SLC25A36: variants seen among roughly 807,000 people sequenced by gnomAD.
SLC25A36 encodes solute carrier family 25 member 36.
A neutral mutation model predicts 35.3 loss-of-function variants in SLC25A36; 24 were observed. The ratio of observed to expected loss-of-function variants is 0.68; its 90% confidence interval spans 0.49 to 0.96. The LOEUF is 0.96. SLC25A36 is among the 40% of genes least tolerant of loss of function. The pLI, the probability that SLC25A36 is intolerant of heterozygous loss-of-function variation, is 0.00. For missense variants in SLC25A36, 294 were observed against 381.1 expected, an observed-to-expected ratio of 0.77 and a Z score of 1.90; for synonymous variants, 141 against 132.2, an observed-to-expected ratio of 1.07 and a Z score of -0.46.
intron 2 of SLC25A36, among the ~76,000 whole-genome samples, chr3:140,957,633 C>G (rs2107794569): frequency 6.6e-6 from 1 of 152,088 alleles, no homozygotes. Context: ...CCCAGCTACT[C>G]AGGAGGCTGA....
At chr3:140,972,797 C>G (rs1010949628) in intron 5 of SLC25A36, 1 of 152,084 alleles carries the variant, frequency 6.6e-6, no homozygotes, top group Non-Finnish European at 1.5e-5. Context: ...ACAATCCATT[C>G]ATAAAACTGG....
At chr3:140,972,609 C>G (rs1312707664) in intron 5 of SLC25A36, 1 of 151,006 alleles carries the variant, frequency 6.6e-6, no homozygotes, top group Non-Finnish European at 1.5e-5. Flanking sequence ...GAGACTCCAT[C>G]TGTTAAAAAA....
intron 5 of SLC25A36, among the ~76,000 whole-genome samples, chr3:140,971,640 G>C (rs1934905016): frequency 6.6e-6 from 1 of 152,200 alleles, no homozygotes; most frequent in Non-Finnish European, 1.5e-5. Context: ...AGGTTCTAAA[G>C]TGTAGGGCCT....
At chr3:140,971,155 T>C (rs768381111) in intron 5 of SLC25A36, among the ~76,000 whole-genome samples, 162 bp downstream of exon 5, 2 of 152,178 alleles carry the variant, frequency 1.3e-5, no homozygotes, top group Non-Finnish European at 2.9e-5. Flanking sequence ...GTTGACAATA[T>C]GAACTTTTCC....
intron 4 of SLC25A36, chr3:140,965,066 T>C (rs937631678): frequency 4.6e-5 from 7 of 151,890 alleles, no homozygotes; most frequent in African/African-American, 1.7e-4. Context: ...ACTTACTGTG[T>C]AGAAAATACT....
intron 4 of SLC25A36, chr3:140,965,379 AG>A: frequency 6.6e-6 from 1 of 151,748 alleles, no homozygotes; most frequent in Non-Finnish European, 1.5e-5. Flanking sequence ...TGTCTATTCA[AG>A]GGAAAAAATG....
intron 4 of SLC25A36, chr3:140,970,331 T>C (rs1314901961): frequency 6.6e-6 from 1 of 152,052 alleles, no homozygotes; most frequent in East Asian, 1.9e-4. Context: ...GATAGGCCTG[T>C]CCTATTAACC....
intron 1 of SLC25A36, among the ~76,000 whole-genome samples, chr3:140,952,333 T>C (rs1934350549): frequency 6.6e-6 from 1 of 152,142 alleles, no homozygotes; most frequent in Non-Finnish European, 1.5e-5. Context: ...CTTTCTTTTT[T>C]TCAGAGACAG....
intron 6 of SLC25A36, among the ~76,000 whole-genome samples, chr3:140,975,830 A>T (rs1935029833): frequency 6.6e-6 from 1 of 152,196 alleles, no homozygotes; most frequent in Non-Finnish European, 1.5e-5. Context: ...ACTGTTTTGA[A>T]TAGATTAATA....
chr3:140,952,182 A>G (rs1194530896), intron 1 of SLC25A36, among the ~76,000 whole-genome samples: 1 of 151,982 alleles, frequency 6.6e-6, no homozygotes, highest in Non-Finnish European at 1.5e-5. Context: ...AGGCCCAGCT[A>G]ATTTTTTGTA....
Position 140,956,506 on chromosome 3 carries a change from CTTTTT to C in SLC25A36, c.42-7_42-3del, listed in dbSNP as rs75174363. The C allele has an allele frequency of 2.6e-4, 368 of 1,424,206 alleles. No individual in the cohort carries two copies. The highest frequency in any genetic ancestry group is 1.1e-3 in the Middle Eastern group (5 of 4,520). The allele number at this position is 1,424,206 out of a possible 1,614,324, so 88.2% of individuals were successfully genotyped here. On this transcript the variant is annotated splice_polypyrimidine_tract_variant and intron_variant, in intron 1 of 6. Transcript: ENST00000324194. ...ATGAATTAAGTAGATAAGCTGTGTT[CTTTTT>C]TTTTTTTTTTTTTAGATGTGGTGGT...
intron 4 of SLC25A36, chr3:140,967,177 T>G (rs1934780877): frequency 2.5e-6 from 1 of 404,290 alleles, no homozygotes; most frequent in Non-Finnish European, 5.0e-6. Flanking sequence ...TCTGATTCCT[T>G]TATAATATTC....
chr3:140,959,569 A>G (rs756803975), intron 3 of SLC25A36, 29 bp downstream of exon 3: 11 of 1,125,744 alleles, frequency 9.8e-6, no homozygotes, highest in Non-Finnish European at 1.3e-5. Context: ...TGTTTAAAGC[A>G]AGTTATGGCA....
At position 140,941,872 on chromosome 3, in the gene SLC25A36, T is replaced by G. The variant is rs1396584160; in HGVS notation, c.-183T>G. On this transcript the variant is annotated 5_prime_UTR_variant, in exon 1 of 7. Coordinates refer to ENST00000324194, the MANE Select transcript of SLC25A36 (RefSeq NM_001104647.3). ...AAGGGCGGCGCGCTTAGGCAGGCGG[T>G]GGCGCGGCTGGAGTGCCGCGGGGAG... 4 of 479,414 alleles carry G rather than the reference T, an allele frequency of 8.3e-6. No individual in the cohort carries two copies. The highest frequency in any genetic ancestry group is 2.1e-5 in the African/African-American group (1 of 48,284). 29.7% of individuals were successfully genotyped at this position (479,414 alleles called of 1,614,324 possible). A position where few individuals can be genotyped will look rare whatever the true frequency, so the allele number is the denominator to read the frequency against.
At chr3:140,959,412 G>A in intron 2 of SLC25A36, 51 bp from the exon 3 acceptor site, 1 of 966,192 alleles carries the variant, frequency 1.0e-6, no homozygotes, top group South Asian at 1.7e-5. Flanking sequence ...AGTAAATAAA[G>A]TACCAGACTT....
chr3:140,953,389 C>T (rs1934380569), intron 1 of SLC25A36, among the ~76,000 whole-genome samples: 1 of 142,616 alleles, frequency 7.0e-6, no homozygotes, highest in Non-Finnish European at 1.5e-5. Flanking sequence ...GTGGTTTCGA[C>T]ATTTTTTGGG....
chr3:140,946,603 G>A lies in SLC25A36; in HGVS notation c.41+4508G>A, dbSNP rs75686061. 8.1e-3 allele frequency among the ~76,000 whole-genome samples: 1,228 copies of A among 152,280 alleles called. 14 individuals carry two copies. The highest frequency in any genetic ancestry group is 0.02 in the African/African-American group (839 of 41,552). On this transcript the variant is annotated intron_variant, in intron 1 of 6. Coordinates refer to ENST00000324194, the MANE Select transcript of SLC25A36 (RefSeq NM_001104647.3). ...AGTGGTTGAATTCTAGTTAGACTTC[G>A]AAGGTAAAGATAATAAGATTTTTGA...
At chr3:140,950,514 C>T (rs538978342) in intron 1 of SLC25A36, among the ~76,000 whole-genome samples, 1 of 152,206 alleles carries the variant, frequency 6.6e-6, no homozygotes, top group African/African-American at 2.4e-5. Flanking sequence ...TCCCTCCCTA[C>T]CACCATCTTC....
intron 4 of SLC25A36, 130 bp from the exon 5 acceptor site, chr3:140,970,797 A>G: frequency 2.0e-6 from 1 of 511,394 alleles, no homozygotes; most frequent in Non-Finnish European, 3.6e-6. Context: ...GAAAAGTGTA[A>G]TATATACATA....
Sources: gnomAD v4.1 joint callset for allele counts (sites outside exome capture counted in the v4.1 genomes callset) on GRCh38, gnomAD v4.1.1 for gene constraint, MANE v1.5 for transcripts, NCBI Gene and HGNC (gene_info 2026-07-23, HGNC 2026-07-21) for gene names.